The following SKA2 variants were observed in gnomAD, a reference collection of about 807,000 sequenced individuals.
The protein encoded by SKA2 is spindle and kinetochore associated complex subunit 2, also known as spindle and kinetochore-associated protein 2.
A neutral mutation model predicts 16.9 loss-of-function variants in SKA2; 13 were observed. That is an observed-to-expected ratio of 0.77 (90% confidence interval 0.50 to 1.22). SKA2 has a LOEUF of 1.22. Ranked by LOEUF, SKA2 falls within the 50% of genes most tolerant of loss-of-function variation. The pLI is 0.00. For missense variants in SKA2, 107 were observed against 139.7 expected (o/e 0.77, Z 1.18); for synonymous variants, 47 against 48.5 (o/e 0.97, Z 0.13).
chr17:59,113,235 A>G lies in SKA2; in HGVS notation c.298-890T>C, dbSNP rs558230281. ...AAGACCTCATCTTAAGAAAAGAAAA[A>G]AGAGGCCGGACGCGGTGGCTCATGC... On this transcript the variant is annotated intron_variant, in intron 3 of 3. Coordinates refer to ENST00000330137, the MANE Select transcript of SKA2 (RefSeq NM_182620.4). Among the ~76,000 whole-genome samples the G allele has an allele frequency of 4.0e-5, 6 of 151,688 alleles. No individual in the cohort carries two copies. In the South Asian group the frequency reaches 1.3e-3, roughly 32 times the overall value.
At chr17:59,147,377 GACACACACACACAC>G (rs57098353) in intron 1 of SKA2, among the ~76,000 whole-genome samples, 2 of 138,134 alleles carry the variant, frequency 1.4e-5, no homozygotes, top group Non-Finnish European at 3.1e-5. Flanking sequence ...TTATATATAA[GACACACACACACAC>G]ACACACACAC....
In SKA2 at chr17:59,141,723, CA is replaced by C. The variant is rs540951589; in HGVS notation, c.34-10357del. On this transcript the variant is annotated intron_variant, in intron 1 of 3. Coordinates refer to ENST00000330137, the MANE Select transcript of SKA2 (RefSeq NM_182620.4). Reference sequence around the variant, plus strand: ...TGCATGACAGAACGAGACCTTGTCTCAAAAAAAAAAAAAAAAAAAAGAGAGC... The same window carrying C: ...TGCATGACAGAACGAGACCTTGTCTCAAAAAAAAAAAAAAAAAAAGAGAGC... Among the ~76,000 whole-genome samples, 332 of 53,316 alleles carry C rather than the reference CA, an allele frequency of 6.2e-3. 1 individual carries two copies. The highest frequency in any genetic ancestry group is 0.013 in the African/African-American group (188 of 14,790). 35.0% of individuals were successfully genotyped at this position (53,316 alleles called of 152,430 possible). A position where few individuals can be genotyped will look rare whatever the true frequency, so the allele number is the denominator to read the frequency against.
In SKA2 at chr17:59,110,469, A is replaced by T. The variant is rs1362540110; in HGVS notation, c.*1808T>A. 1 of 152,012 alleles carries T rather than the reference A, an allele frequency of 6.6e-6. No homozygotes were observed. Among genetic ancestry groups the T allele is most frequent in the African/African-American group, 2.4e-5 (1 of 41,380 alleles). The allele number at this position is 152,012 out of a possible 1,614,324, so 9.4% of individuals were successfully genotyped here. A position where few individuals can be genotyped will look rare whatever the true frequency, so the allele number is the denominator to read the frequency against. On this transcript the variant is annotated 3_prime_UTR_variant, in exon 4 of 4. Coordinates refer to ENST00000330137, the MANE Select transcript of SKA2 (RefSeq NM_182620.4). ...GAACACTGAAGAAAATTAATATCTGATACTAAGGTGTAACTTATTTCTCTG... is the reference window on the plus strand; with the variant it reads ...GAACACTGAAGAAAATTAATATCTGTTACTAAGGTGTAACTTATTTCTCTG...
chr17:59,154,172 GAAAAAAA>G (rs111310705), intron 1 of SKA2, among the ~76,000 whole-genome samples: 1 of 114,856 alleles, frequency 8.7e-6, no homozygotes, highest in Non-Finnish European at 1.8e-5. Context: ...CCCAACCTGG[GAAAAAAA>G]AAAAAAAAGA....
chr17:59,134,343 A>T (rs973892968), intron 1 of SKA2, among the ~76,000 whole-genome samples: 1 of 152,148 alleles, frequency 6.6e-6, no homozygotes, highest in Non-Finnish European at 1.5e-5. Context: ...CTTAAGCACA[A>T]CTTTAAATAC....
Position 59,110,476 on chromosome 17 carries a change from G to C in SKA2, c.*1801C>G, listed in dbSNP as rs1429476337. On this transcript the variant is annotated 3_prime_UTR_variant, in exon 4 of 4. Coordinates refer to ENST00000330137, the MANE Select transcript of SKA2 (RefSeq NM_182620.4). ...GAAGAAAATTAATATCTGATACTAA[G>C]GTGTAACTTATTTCTCTGTAATTAA... 6.6e-6 allele frequency: 1 copy of C among 151,784 alleles called. No individual in the cohort carries two copies. Among genetic ancestry groups the C allele is most frequent in the Admixed American group, 6.6e-5 (1 of 15,206 alleles). 9.4% of individuals were successfully genotyped at this position (151,784 alleles called of 1,614,324 possible).
Position 59,112,156 on chromosome 17 carries a change from G to T in SKA2, c.*121C>A. ...TGAAAGATATCATTATCCAGTCATT[G>T]AAGCCAAACCCCCTTCACCAGCCCC... is the stretch of plus-strand genomic sequence containing the variant. On this transcript the variant is annotated 3_prime_UTR_variant, in exon 4 of 4. Coordinates refer to ENST00000330137, the MANE Select transcript of SKA2 (RefSeq NM_182620.4). The T allele has an allele frequency of 1.4e-6, 1 of 699,636 alleles. No individual in the cohort carries two copies. The highest frequency in any genetic ancestry group is 2.4e-6 in the Non-Finnish European group (1 of 408,292). The allele number at this position is 699,636 out of a possible 1,614,324, so 43.3% of individuals were successfully genotyped here.
intron 2 of SKA2, among the ~76,000 whole-genome samples, chr17:59,128,018 C>A (rs2147803562): frequency 6.6e-6 from 1 of 151,422 alleles, no homozygotes; most frequent in African/African-American, 2.4e-5. Context: ...GAGTTTGAGA[C>A]CAGCCTGGCC....
intron 1 of SKA2, among the ~76,000 whole-genome samples, chr17:59,134,495 A>T (rs944723276): frequency 6.6e-6 from 1 of 152,054 alleles, no homozygotes; most frequent in Non-Finnish European, 1.5e-5. Flanking sequence ...ATATTTTTTA[A>T]CTTGATATTT....
chr17:59,150,542 A>T (rs1056570346), intron 1 of SKA2, among the ~76,000 whole-genome samples: 1 of 152,050 alleles, frequency 6.6e-6, no homozygotes, highest in African/African-American at 2.4e-5. Flanking sequence ...TTCAAGACCA[A>T]CCTCGGCAAC....
intron 1 of SKA2, among the ~76,000 whole-genome samples, chr17:59,137,215 G>A (rs149182886): frequency 4.1e-4 from 62 of 152,008 alleles, no homozygotes; most frequent in African/African-American, 1.4e-3. Context: ...ACAAGGTCTC[G>A]CTATGTTACC....
chr17:59,150,228 G>A (rs1190320363), intron 1 of SKA2, among the ~76,000 whole-genome samples: 2 of 152,120 alleles, frequency 1.3e-5, no homozygotes, highest in African/African-American at 2.4e-5. Context: ...GTGAATAGTC[G>A]CTGCCCTCCA....
intron 1 of SKA2, chr17:59,137,848 GT>G (rs745878177): frequency 7.7e-6 from 4 of 518,580 alleles, no homozygotes; most frequent in South Asian, 5.9e-5. Context: ...TATTGATAGG[GT>G]TCTAGGATCT....
intron 1 of SKA2, among the ~76,000 whole-genome samples, chr17:59,136,847 G>A (rs1002884510): frequency 6.6e-6 from 1 of 151,966 alleles, no homozygotes; most frequent in Non-Finnish European, 1.5e-5. Flanking sequence ...ACGCCCAGCC[G>A]AAAAATCATC....
chr17:59,120,890 C>G (rs141163950), intron 2 of SKA2, among the ~76,000 whole-genome samples: 1 of 151,664 alleles, frequency 6.6e-6, no homozygotes, highest in Non-Finnish European at 1.5e-5. Flanking sequence ...CAGTGGCTCA[C>G]GCCTGTAATC....
intron 1 of SKA2, among the ~76,000 whole-genome samples, chr17:59,133,405 G>A (rs2046423957): frequency 6.6e-6 from 1 of 152,142 alleles, no homozygotes; most frequent in Non-Finnish European, 1.5e-5. Flanking sequence ...ACTACAGAAA[G>A]GAAAACATGA....
At chr17:59,153,938 A>T (rs895392528) in intron 1 of SKA2, among the ~76,000 whole-genome samples, 12 of 151,816 alleles carry the variant, frequency 7.9e-5, no homozygotes, top group African/African-American at 2.9e-4. Flanking sequence ...CACCCGGCTA[A>T]TTTTTTTATT....
chr17:59,117,421 C>T (rs1003573313), intron 3 of SKA2, among the ~76,000 whole-genome samples: 2 of 151,932 alleles, frequency 1.3e-5, no homozygotes, highest in South Asian at 2.1e-4. Context: ...TTTTGGGGGA[C>T]AGTCTCACCC....
chr17:59,145,239 A>T (rs1402892561), intron 1 of SKA2, among the ~76,000 whole-genome samples: 2 of 152,246 alleles, frequency 1.3e-5, no homozygotes, highest in African/African-American at 4.8e-5. Context: ...ACAATAAAAA[A>T]ATAGGGAAAA....
Sources: gnomAD v4.1 joint callset for allele counts (sites outside exome capture counted in the v4.1 genomes callset) on GRCh38, gnomAD v4.1.1 for gene constraint, MANE v1.5 for transcripts, NCBI Gene and HGNC (gene_info 2026-07-23, HGNC 2026-07-21) for gene names.